The following PTPRG variants were observed in gnomAD, a reference collection of about 807,000 sequenced individuals.
The protein encoded by PTPRG is protein tyrosine phosphatase receptor type G, also known as receptor-type tyrosine-protein phosphatase gamma.
A neutral mutation model predicts 165.3 loss-of-function variants in PTPRG; 102 were observed. The observed-to-expected ratio is 0.62, with a 90% confidence interval of 0.53 to 0.73. The LOEUF (loss-of-function observed/expected upper bound fraction) is 0.73. Among genes scored for constraint, PTPRG ranks in the 30% least tolerant of loss-of-function variants. The pLI is 0.00. For synonymous variants in PTPRG, 675 were observed against 669.5 expected, an observed-to-expected ratio of 1.01 and a Z score of -0.13; for missense variants, 1,866 against 1,861.4, an observed-to-expected ratio of 1.00 and a Z score of -0.05.
chr3:61,893,658 T>G (rs2038276146), intron 2 of PTPRG, among the ~76,000 whole-genome samples: 2 of 152,196 alleles, frequency 1.3e-5, no homozygotes, highest in African/African-American at 4.8e-5. Context: ...ATGTGAAACA[T>G]TTTCTTCTAA....
chr3:62,293,552 C>T lies in PTPRG; in HGVS notation c.*245C>T, dbSNP rs1326923479. On this transcript the variant is annotated 3_prime_UTR_variant, in exon 30 of 30. Transcript: ENST00000474889. ...TTGCACTATATGATCAGTGTTACTGCCTATAATCTTATACAACAGCAAACC... is the reference window on the plus strand; with the variant it reads ...TTGCACTATATGATCAGTGTTACTGTCTATAATCTTATACAACAGCAAACC... The T allele has an allele frequency of 6.2e-6, 2 of 320,004 alleles. No homozygotes were observed. Among genetic ancestry groups the T allele is most frequent in the African/African-American group, 2.1e-5 (1 of 46,814 alleles). 19.8% of individuals were successfully genotyped at this position (320,004 alleles called of 1,614,324 possible). A position where few individuals can be genotyped will look rare whatever the true frequency, so the allele number is the denominator to read the frequency against.
At chr3:62,289,443 C>T (rs1051909562) in intron 28 of PTPRG, among the ~76,000 whole-genome samples, 2 of 152,024 alleles carry the variant, frequency 1.3e-5, no homozygotes, top group African/African-American at 4.8e-5. Flanking sequence ...AGGCTTAGCA[C>T]CAGAATGGAA....
At position 62,071,307 on chromosome 3, in the gene PTPRG, GCATATAAAT is replaced by G. The variant is rs576332118; in HGVS notation, c.520-6855_520-6847del. ...ATAAAACGTAGAGCTTTCTAAATCT[GCATATAAAT>G]TACTGTTGGGTTTTCTACTCTCATG... On this transcript the variant is annotated intron_variant, in intron 4 of 29. Coordinates refer to ENST00000474889, the MANE Select transcript of PTPRG (RefSeq NM_002841.4). 1.2e-3 allele frequency among the ~76,000 whole-genome samples: 178 copies of G among 152,234 alleles called. 1 individual carries two copies. The highest frequency in any genetic ancestry group is 2.0e-3 in the Non-Finnish European group (135 of 68,020).
chr3:62,182,344 C>T (rs538673158), intron 8 of PTPRG, among the ~76,000 whole-genome samples: 19 of 152,300 alleles, frequency 1.2e-4, no homozygotes, highest in African/African-American at 3.6e-4. Flanking sequence ...ACACAAGTCT[C>T]GTAACACTAC....
At chr3:61,772,058 T>TAAAAAAA (rs71100977) in intron 2 of PTPRG, among the ~76,000 whole-genome samples, 1 of 64,782 alleles carries the variant, frequency 1.5e-5, no homozygotes, top group African/African-American at 6.2e-5. Context: ...AGACTCTGTC[T>TAAAAAAA]AAAAAAAAAA....
At chr3:62,074,211 G>GTGTGTGTGTGTGTGTGTA (rs923780031) in intron 4 of PTPRG, among the ~76,000 whole-genome samples, 1 of 150,806 alleles carries the variant, frequency 6.6e-6, no homozygotes, top group Admixed American at 6.6e-5. Flanking sequence ...GTGTGTGTGT[G>GTGTGTGTGTGTGTGTGTA]TATACAGAGA....
chr3:62,037,463 C>T (rs1314308825), intron 4 of PTPRG, among the ~76,000 whole-genome samples: 1 of 152,168 alleles, frequency 6.6e-6, no homozygotes, highest in Non-Finnish European at 1.5e-5. Context: ...GGTAGCAGCC[C>T]CCTATAAGTT....
At chr3:62,026,293 A>T (rs2041802148) in intron 4 of PTPRG, among the ~76,000 whole-genome samples, 1 of 152,220 alleles carries the variant, frequency 6.6e-6, no homozygotes, top group African/African-American at 2.4e-5. Flanking sequence ...TTGAAAATGC[A>T]ATGTTCTTGA....
intron 2 of PTPRG, among the ~76,000 whole-genome samples, chr3:61,944,844 C>T (rs939905676): frequency 6.6e-6 from 1 of 152,068 alleles, no homozygotes; most frequent in African/African-American, 2.4e-5. Context: ...TTTTGGGACC[C>T]CAACAGGATG....
chr3:61,917,648 G>A (rs59535048), intron 2 of PTPRG, among the ~76,000 whole-genome samples: 137 of 152,324 alleles, frequency 9.0e-4, no homozygotes, highest in African/African-American at 3.0e-3. Flanking sequence ...TCCAAGCAAA[G>A]GCGGGGCGTG....
intron 2 of PTPRG, among the ~76,000 whole-genome samples, chr3:61,794,149 C>T (rs2107140669): frequency 6.6e-6 from 1 of 152,232 alleles, no homozygotes; most frequent in African/African-American, 2.4e-5. Flanking sequence ...TAAATTCTGT[C>T]TTTCCCATTA....
At chr3:61,837,659 C>T (rs1295695307) in intron 2 of PTPRG, among the ~76,000 whole-genome samples, 1 of 152,204 alleles carries the variant, frequency 6.6e-6, no homozygotes, top group Non-Finnish European at 1.5e-5. Flanking sequence ...TACACGTACA[C>T]ATGTACCATA....
chr3:62,208,536 G>A (rs972370973), intron 12 of PTPRG, among the ~76,000 whole-genome samples: 1 of 152,148 alleles, frequency 6.6e-6, no homozygotes, highest in African/African-American at 2.4e-5. Context: ...CCTGAGTCAG[G>A]TGCTAAGGGG....
chr3:62,065,005 T>C (rs773179378), intron 4 of PTPRG, among the ~76,000 whole-genome samples: 1 of 152,146 alleles, frequency 6.6e-6, no homozygotes, highest in Non-Finnish European at 1.5e-5. Context: ...GTGCTGAGAT[T>C]ATAGGTGTGA....
intron 2 of PTPRG, among the ~76,000 whole-genome samples, chr3:61,858,677 T>C (rs984662560): frequency 1.3e-5 from 2 of 152,218 alleles, no homozygotes; most frequent in African/African-American, 2.4e-5. Flanking sequence ...ATAATAAATA[T>C]GACTTCTGTT....
At chr3:62,198,242 A>G (rs1700017100) in intron 10 of PTPRG, among the ~76,000 whole-genome samples, 1 of 152,124 alleles carries the variant, frequency 6.6e-6, no homozygotes, top group African/African-American at 2.4e-5. Context: ...TTTCATCTGA[A>G]CCTCACTTTA....
chr3:61,675,578 A>G (rs1703192617), intron 1 of PTPRG, among the ~76,000 whole-genome samples: 1 of 152,122 alleles, frequency 6.6e-6, no homozygotes, highest in Admixed American at 6.5e-5. Context: ...ACTTTTGGCT[A>G]TCTTTTAATA....
At position 62,067,256 on chromosome 3, in the gene PTPRG, C is replaced by CT. The variant is rs59784449; in HGVS notation, c.520-10893dup. On this transcript the variant is annotated intron_variant, in intron 4 of 29. Transcript: ENST00000474889. ...GACATTCTGGGTGGATAATTCTTTT[C>CT]TTTTTTTTTTTTTTCTTTTGTCAAC... 3.7e-3 allele frequency among the ~76,000 whole-genome samples: 522 copies of CT among 139,980 alleles called. 2 individuals carry two copies. Among genetic ancestry groups the CT allele is most frequent in the African/African-American group, 0.011 (424 of 38,528 alleles). 91.8% of individuals were successfully genotyped at this position (139,980 alleles called of 152,430 possible).
chr3:61,773,958 A>G (rs1204816976), intron 2 of PTPRG, among the ~76,000 whole-genome samples: 1 of 151,984 alleles, frequency 6.6e-6, no homozygotes, highest in Non-Finnish European at 1.5e-5. Context: ...TGTTTTTAAT[A>G]GAGATGGGGT....
Sources: gnomAD v4.1 joint callset for allele counts (sites outside exome capture counted in the v4.1 genomes callset) on GRCh38, gnomAD v4.1.1 for gene constraint, MANE v1.5 for transcripts, NCBI Gene and HGNC (gene_info 2026-07-23, HGNC 2026-07-21) for gene names.